Variants in NALCN observed in about 807,000 individuals in gnomAD.
NALCN encodes the protein sodium leak channel, non-selective, also known as sodium leak channel NALCN.
A neutral mutation model predicts 225.3 loss-of-function variants in NALCN; 111 were observed. The ratio of observed to expected loss-of-function variants is 0.49; its 90% CI spans 0.42 to 0.58. The LOEUF (loss-of-function observed/expected upper bound fraction) is 0.58. NALCN is among the 20% of genes least tolerant of loss of function. NALCN has a pLI of 0.00. For missense variants in NALCN, 1,378 were observed against 2,202.4 expected (o/e 0.63, Z 7.49); for synonymous variants, 764 against 769.0 (o/e 0.99, Z 0.11).
chr13:101,109,599 A>C (rs2035322390), intron 20 of NALCN, among the ~76,000 whole-genome samples: 2 of 152,232 alleles, frequency 1.3e-5, no homozygotes, highest in Admixed American at 6.5e-5. Flanking sequence ...CTTGGCTCTG[A>C]ACATTCAAGA....
At chr13:101,283,843 C>A in intron 10 of NALCN, 90 bp downstream of exon 10, 1 of 1,110,240 alleles carries the variant, frequency 9.0e-7, no homozygotes, top group Non-Finnish European at 1.3e-6. Context: ...TTGGACAAAT[C>A]TAGAGCTTAA....
intron 10 of NALCN, among the ~76,000 whole-genome samples, chr13:101,266,143 C>T (rs2042589101): frequency 6.6e-6 from 1 of 152,110 alleles, no homozygotes; most frequent in South Asian, 2.1e-4. Flanking sequence ...ATAAATGAGA[C>T]TTCAGTGTAG....
At chr13:101,307,589 G>C (rs971803039) in intron 7 of NALCN, among the ~76,000 whole-genome samples, 1 of 152,068 alleles carries the variant, frequency 6.6e-6, no homozygotes, top group African/African-American at 2.4e-5. Flanking sequence ...TTCTTGGCTT[G>C]GTTTTGAGGA....
Position 101,055,438 on chromosome 13 carries a change from C to T in NALCN, c.5074G>A (p.Gly1692Arg), listed in dbSNP as rs745628402. Residue 1692 changes from glycine (G) to arginine (R), a missense_variant, in exon 44 of 44, where the codon GGA (glycine) becomes AGA (arginine). Around this residue, in one of 19 missense-constraint regions of NALCN, gnomAD observed 145 missense variants for 169.6 expected, o/e 0.85. Transcript: ENST00000251127. ...ACGACAGATTTCATGGTTGTCCTTC[C>T]TCCAAACCGTAAGTTGACTGAGGAC... is the stretch of plus-strand genomic sequence containing the variant. The part of the protein sequence containing the change: ...SVSSVNLRFG[G>R]RTTMKSVVCK... 29 of 1,613,992 alleles carry T rather than the reference C, an allele frequency of 1.8e-5. No individual in the cohort carries two copies. The highest frequency in any genetic ancestry group is 2.5e-5 in the Non-Finnish European group (29 of 1,180,012).
At chr13:101,267,461 C>A (rs192945046) in intron 10 of NALCN, among the ~76,000 whole-genome samples, 1 of 152,344 alleles carries the variant, frequency 6.6e-6, no homozygotes, top group Non-Finnish European at 1.5e-5. Context: ...ATCCACACAT[C>A]CTTGGCAGTA....
At chr13:101,216,090 A>G (rs1361421725) in intron 13 of NALCN, among the ~76,000 whole-genome samples, 2 of 152,132 alleles carry the variant, frequency 1.3e-5, no homozygotes, top group South Asian at 4.1e-4. Context: ...CCTACTGCAC[A>G]GGAAAATGAA....
At chr13:101,291,912 C>A in intron 9 of NALCN, 78 bp downstream of exon 9, 1 of 1,420,812 alleles carries the variant, frequency 7.0e-7, no homozygotes, top group Non-Finnish European at 9.9e-7. Context: ...GCAAGAGCTT[C>A]CCCAAGGTCC....
intron 11 of NALCN, among the ~76,000 whole-genome samples, chr13:101,248,629 T>C (rs2041971612): frequency 6.6e-6 from 1 of 152,166 alleles, no homozygotes; most frequent in African/African-American, 2.4e-5. Context: ...TGAGCTTCCC[T>C]GGTTCTCAGC....
At chr13:101,340,054 T>A (rs531215247) in intron 7 of NALCN, among the ~76,000 whole-genome samples, 162 of 148,708 alleles carry the variant, frequency 1.1e-3, no homozygotes, top group African/African-American at 3.8e-3. Flanking sequence ...GATCACGAGG[T>A]CAGGAGATCG....
chr13:101,226,681 C>T (rs1253413933), intron 13 of NALCN, among the ~76,000 whole-genome samples: 1 of 151,896 alleles, frequency 6.6e-6, no homozygotes, highest in African/African-American at 2.4e-5. Flanking sequence ...GCCTGGGAGA[C>T]CTCCCGGGGA....
At chr13:101,237,698 G>T in intron 12 of NALCN, 57 bp downstream of exon 12, 1 of 1,139,932 alleles carries the variant, frequency 8.8e-7, no homozygotes, top group Non-Finnish European at 1.2e-6. Flanking sequence ...AATGTGACAG[G>T]TATTTACTCT....
At chr13:101,408,631 G>T (rs985217745) in intron 1 of NALCN, among the ~76,000 whole-genome samples, 2 of 152,116 alleles carry the variant, frequency 1.3e-5, no homozygotes, top group African/African-American at 4.8e-5. Context: ...TCAAGACCCT[G>T]ATTTGGCTGC....
intron 13 of NALCN, among the ~76,000 whole-genome samples, chr13:101,212,344 A>G (rs1454020226): frequency 6.6e-6 from 1 of 151,814 alleles, no homozygotes; most frequent in East Asian, 1.9e-4. Flanking sequence ...ATTTTAAAAT[A>G]CTCTCCCAAA....
chr13:101,146,373 G>A (rs950994720), intron 15 of NALCN, among the ~76,000 whole-genome samples: 1 of 152,148 alleles, frequency 6.6e-6, no homozygotes, highest in Non-Finnish European at 1.5e-5. Context: ...AAAATGGCAC[G>A]TTCTCAACAG....
intron 6 of NALCN, among the ~76,000 whole-genome samples, chr13:101,348,446 C>T (rs2045810134): frequency 6.6e-6 from 1 of 152,118 alleles, no homozygotes; most frequent in South Asian, 2.1e-4. Context: ...TAGATTGAAA[C>T]TCCAGCCCTG....
At chr13:101,225,829 G>A (rs964302704) in intron 13 of NALCN, among the ~76,000 whole-genome samples, 1 of 152,048 alleles carries the variant, frequency 6.6e-6, no homozygotes, top group Non-Finnish European at 1.5e-5. Context: ...CCCATTCTTG[G>A]GCCCTCTCCT....
chr13:101,182,838 G>A (rs986511137), intron 14 of NALCN, among the ~76,000 whole-genome samples: 11 of 144,964 alleles, frequency 7.6e-5, no homozygotes, highest in South Asian at 4.1e-4. Context: ...ATGACTTTGC[G>A]GTTCTTTTCT....
intron 40 of NALCN, among the ~76,000 whole-genome samples, chr13:101,064,771 G>A (rs758145847): frequency 6.6e-6 from 1 of 152,052 alleles, no homozygotes; most frequent in East Asian, 1.9e-4. Flanking sequence ...CCAGGACTTC[G>A]AGACCATACC....
chr13:101,357,990 A>T (rs914594161), intron 6 of NALCN, among the ~76,000 whole-genome samples: 1 of 152,188 alleles, frequency 6.6e-6, no homozygotes, highest in Non-Finnish European at 1.5e-5. Context: ...CATGTGCAGA[A>T]AACTAAAACT....
Sources: gnomAD v4.1 joint callset for allele counts (sites outside exome capture counted in the v4.1 genomes callset) on GRCh38, gnomAD v4.1.1 for gene constraint, gnomAD v4.1.1 regional missense constraint, MANE v1.5 for transcripts, NCBI Gene and HGNC (gene_info 2026-07-23, HGNC 2026-07-21) for gene names.